DDHD1: variants seen among roughly 807,000 people sequenced by gnomAD.
DDHD1 encodes the protein DDHD domain containing 1, also known as phospholipase DDHD1.
DDHD1 carries 49 observed loss-of-function variants against 96.4 expected under a neutral mutation model. The ratio of observed to expected loss-of-function variants is 0.51; its 90% CI spans 0.40 to 0.64. The LOEUF (loss-of-function observed/expected upper bound fraction) is 0.64, where lower values mean the gene tolerates loss of function less well. Ranked by LOEUF, DDHD1 falls within the 30% of genes least tolerant of loss-of-function variation. The pLI is 0.00. For synonymous variants in DDHD1, 442 were observed against 446.5 expected (o/e 0.99, Z 0.13); for missense variants, 1,106 against 1,161.2 (o/e 0.95, Z 0.69).
Position 53,103,914 on chromosome 14 carries a change from G to C in DDHD1, c.839-58C>G, listed in dbSNP as rs1156739094. The C allele has an allele frequency of 5.5e-6, 8 of 1,460,782 alleles. No individual in the cohort carries two copies. The African/African-American group carries it at 8.6e-5, about 16-fold the overall frequency. The allele number at this position is 1,460,782 out of a possible 1,614,324, so 90.5% of individuals were successfully genotyped here. A position where few individuals can be genotyped will look rare whatever the true frequency, so the allele number is the denominator to read the frequency against. ...TTTAAGATTCAACTTCCCCAAAAGA[G>C]ACACAGTATCTACAATCTTATATTT... On this transcript the variant is annotated intron_variant, in intron 1 of 12. Transcript: ENST00000673822.
chr14:53,070,087 C>G (rs1260428931), intron 6 of DDHD1, among the ~76,000 whole-genome samples: 1 of 152,136 alleles, frequency 6.6e-6, no homozygotes, highest in Non-Finnish European at 1.5e-5. Flanking sequence ...GAGCTCTGAG[C>G]CCTCTTAGGG....
At chr14:53,060,246 T>C (rs546395906) in intron 8 of DDHD1, among the ~76,000 whole-genome samples, 27 of 152,314 alleles carry the variant, frequency 1.8e-4, no homozygotes, top group South Asian at 2.1e-4. Context: ...AGCAAGTTAT[T>C]TGTTATTCAG....
At chr14:53,087,130 C>T (rs954136534) in intron 4 of DDHD1, among the ~76,000 whole-genome samples, 3 of 152,070 alleles carry the variant, frequency 2.0e-5, no homozygotes, top group African/African-American at 7.2e-5. Context: ...TATATATGCA[C>T]CTAATACAGG....
intron 3 of DDHD1, 159 bp from the exon 4 acceptor site, chr14:53,092,091 G>T: frequency 1.7e-6 from 1 of 572,968 alleles, no homozygotes; most frequent in Non-Finnish European, 2.9e-6. Flanking sequence ...ATATTGATCA[G>T]CTGTGATATA....
intron 7 of DDHD1, among the ~76,000 whole-genome samples, chr14:53,062,174 T>C (rs959701477): frequency 2.0e-5 from 3 of 152,248 alleles, no homozygotes; most frequent in Admixed American, 6.5e-5. Context: ...CTGTCAATTA[T>C]TTTGACACTA....
Position 53,087,037 on chromosome 14 carries a change from C to G in DDHD1, c.1289+4748G>C, listed in dbSNP as rs185339627. 1.8e-3 allele frequency among the ~76,000 whole-genome samples: 253 copies of G among 139,900 alleles called. 1 individual carries two copies. The highest frequency in any genetic ancestry group is 5.7e-3 in the African/African-American group (218 of 38,030). The allele number at this position is 139,900 out of a possible 152,430, so 91.8% of individuals were successfully genotyped here. On this transcript the variant is annotated intron_variant, in intron 4 of 12. Transcript: ENST00000673822. ...AGTCTCTGATAAAACAGACTTTAAA[C>G]CAACAAAGATCGAAAGAGACAAAGA...
intron 7 of DDHD1, among the ~76,000 whole-genome samples, chr14:53,062,107 T>C (rs1246072840): frequency 6.6e-6 from 1 of 151,848 alleles, no homozygotes; most frequent in Non-Finnish European, 1.5e-5. Context: ...TTTTACTGGA[T>C]TTATACATCT....
intron 2 of DDHD1, among the ~76,000 whole-genome samples, chr14:53,094,461 G>C (rs957918772): frequency 6.6e-6 from 1 of 152,214 alleles, no homozygotes; most frequent in African/African-American, 2.4e-5. Context: ...AGCACTCTGG[G>C]AGGCTTAGGC....
intron 4 of DDHD1, among the ~76,000 whole-genome samples, chr14:53,075,068 C>G (rs1045353713): frequency 6.6e-6 from 1 of 152,122 alleles, no homozygotes; most frequent in African/African-American, 2.4e-5. Flanking sequence ...ATCCCTGAGA[C>G]ACAACAATAT....
chr14:53,089,636 C>T (rs113764092), intron 4 of DDHD1, among the ~76,000 whole-genome samples: 5,096 of 152,172 alleles, frequency 0.033, 295 homozygotes, highest in African/African-American at 0.11. Flanking sequence ...TAGCCATATG[C>T]AGAAAGCTGA....
chr14:53,095,059 T>A (rs1434363692), intron 2 of DDHD1, among the ~76,000 whole-genome samples: 1 of 152,160 alleles, frequency 6.6e-6, no homozygotes, highest in Non-Finnish European at 1.5e-5. Context: ...TACAGCAATG[T>A]TTGTGGAAGT....
At position 53,063,137 on chromosome 14, in the gene DDHD1, A is replaced by G. The variant is rs766183983; in HGVS notation, c.1572T>C (p.Phe524=). 5 of 1,613,976 alleles carry G rather than the reference A, an allele frequency of 3.1e-6. No individual in the cohort carries two copies. In the Admixed American group the frequency reaches 8.3e-5, roughly 27 times the overall value. Residue 524 remains phenylalanine, a synonymous_variant, in exon 7 of 13, where the codon TTT becomes TTC. Coordinates refer to ENST00000673822, the MANE Select transcript of DDHD1 (RefSeq NM_001160148.2). ...TTGAGACTTTACCCCCTTTTTCTTC[A>G]AAGTCTGGATTCCGAGAACAGAAAA... The part of the protein sequence containing the change: ...YSLFCSRNPD[F]EEKGGKVSIV...
At chr14:53,049,857 T>G (rs1882383502) in intron 12 of DDHD1, among the ~76,000 whole-genome samples, 1 of 152,140 alleles carries the variant, frequency 6.6e-6, no homozygotes, top group Non-Finnish European at 1.5e-5. Context: ...ACACGGATTA[T>G]TTTCTTTCTG....
chr14:53,141,155 C>A (rs1329415371), intron 1 of DDHD1, among the ~76,000 whole-genome samples: 1 of 152,150 alleles, frequency 6.6e-6, no homozygotes, highest in Non-Finnish European at 1.5e-5. Flanking sequence ...CAAAATAATA[C>A]AGATCAATAA....
At chr14:53,091,593 T>C (rs1434061427) in intron 4 of DDHD1, among the ~76,000 whole-genome samples, 192 bp downstream of exon 4, 2 of 152,196 alleles carry the variant, frequency 1.3e-5, no homozygotes, top group African/African-American at 2.4e-5. Context: ...AGATCAAACA[T>C]TGTCATCATC....
At chr14:53,064,706 G>C (rs1032375929) in intron 6 of DDHD1, among the ~76,000 whole-genome samples, 1 of 152,082 alleles carries the variant, frequency 6.6e-6, no homozygotes, top group African/African-American at 2.4e-5. Context: ...AATGGCCTTT[G>C]TATTTCCTTA....
intron 1 of DDHD1, among the ~76,000 whole-genome samples, chr14:53,113,608 TCACTTC>T (rs113293510): frequency 0.033 from 5,070 of 152,074 alleles, 288 homozygotes; most frequent in African/African-American, 0.11. Flanking sequence ...TGGTGGTGCG[TCACTTC>T]CACTTCACCT....
Position 53,093,328 on chromosome 14 carries a change from C to T in DDHD1, c.1129G>A (p.Gly377Arg). 3 of 1,606,942 alleles carry T rather than the reference C, an allele frequency of 1.9e-6. No individual in the cohort carries two copies. Among genetic ancestry groups the T allele is most frequent in the Non-Finnish European group, 2.5e-6 (3 of 1,178,172 alleles). ...ATTTAACAATTACCTTTAGAAAATC[C>T]CAGTTTTTGGGTAACTGTTCTTGCA... The part of the protein sequence containing the change: ...KIARTVTQKL[G>R]FSKASSSGTR... The change falls in exon 3 of 13, where the codon GGA becomes AGA. Residue 377 changes from glycine to arginine, a missense_variant. Gly to Arg is a moderately radical substitution (Grantham distance 125). Coordinates refer to ENST00000673822, the MANE Select transcript of DDHD1 (RefSeq NM_001160148.2).
intron 2 of DDHD1, among the ~76,000 whole-genome samples, chr14:53,095,320 A>G (rs1260199550): frequency 6.6e-6 from 1 of 152,186 alleles, no homozygotes; most frequent in Non-Finnish European, 1.5e-5. Context: ...GACCTGCCAC[A>G]GAGTTAGCTA....
Sources: gnomAD v4.1 joint callset for allele counts (sites outside exome capture counted in the v4.1 genomes callset) on GRCh38, gnomAD v4.1.1 for gene constraint, MANE v1.5 for transcripts, NCBI Gene and HGNC (gene_info 2026-07-23, HGNC 2026-07-21) for gene names.